The following FLT1 variants were observed in gnomAD, a reference collection of about 807,000 sequenced individuals.
FLT1 encodes vascular endothelial growth factor receptor 1.
Under a neutral mutation model 156.3 loss-of-function variants are expected in FLT1, and 49 were observed. The observed-to-expected ratio is 0.31, with a 90% confidence interval of 0.25 to 0.40. The LOEUF (loss-of-function observed/expected upper bound fraction) is 0.40, where lower values mean the gene tolerates loss of function less well. FLT1 is among the 10% of genes least tolerant of loss of function. The pLI, the probability that FLT1 is intolerant of heterozygous loss-of-function variation, is 1.00. For synonymous variants in FLT1, 594 were observed against 583.8 expected, an observed-to-expected ratio of 1.02 and a Z score of -0.25; for missense variants, 1,322 against 1,637.2, an observed-to-expected ratio of 0.81 and a Z score of 3.32.
intron 10 of FLT1, 25 bp from the exon 11 acceptor site, chr13:28,405,919 A>G (rs1263729859): frequency 6.3e-6 from 8 of 1,263,038 alleles, no homozygotes; most frequent in Non-Finnish European, 9.2e-6. Context: ...AGTTGTCACA[A>G]TGTGGCTTTA....
intron 10 of FLT1, among the ~76,000 whole-genome samples, chr13:28,410,240 TTCCTTTAG>T (rs1216478908): frequency 6.6e-6 from 1 of 152,208 alleles, no homozygotes; most frequent in Non-Finnish European, 1.5e-5. Flanking sequence ...GGTACTTTCT[TTCCTTTAG>T]AGGATAGATT....
intron 29 of FLT1, among the ~76,000 whole-genome samples, chr13:28,303,944 A>G (rs1312512639): frequency 6.6e-6 from 1 of 152,210 alleles, no homozygotes; most frequent in East Asian, 1.9e-4. Context: ...GCTTATCACC[A>G]GCAAGGCTCA....
At chr13:28,348,086 T>C (rs1042674591) in intron 15 of FLT1, among the ~76,000 whole-genome samples, 18 of 152,154 alleles carry the variant, frequency 1.2e-4, no homozygotes, top group Admixed American at 9.2e-4. Context: ...TTTCTCTCCA[T>C]CCAACCCATC....
intron 10 of FLT1, among the ~76,000 whole-genome samples, chr13:28,415,305 C>T (rs916395223): frequency 2.6e-5 from 4 of 152,052 alleles, no homozygotes; most frequent in African/African-American, 9.7e-5. Flanking sequence ...CATGGAGAAA[C>T]CCTGTCTCTA....
chr13:28,370,399 T>C (rs1873508222), intron 14 of FLT1, among the ~76,000 whole-genome samples: 1 of 152,110 alleles, frequency 6.6e-6, no homozygotes, highest in African/African-American at 2.4e-5. Flanking sequence ...CACACCAACA[T>C]GGCACATGTA....
intron 14 of FLT1, among the ~76,000 whole-genome samples, chr13:28,361,160 TC>T (rs994591839): frequency 3.9e-5 from 6 of 151,966 alleles, no homozygotes; most frequent in African/African-American, 1.5e-4. Flanking sequence ...ATGCCGGTAG[TC>T]CCAGCTACTC....
chr13:28,338,376 T>C (rs916784382), intron 17 of FLT1, among the ~76,000 whole-genome samples: 2 of 152,074 alleles, frequency 1.3e-5, no homozygotes, highest in Admixed American at 1.3e-4. Flanking sequence ...AGTGGAAAAC[T>C]TTCAGAAGCC....
intron 10 of FLT1, among the ~76,000 whole-genome samples, chr13:28,425,198 T>C (rs1469354046): frequency 1.3e-5 from 2 of 152,158 alleles, no homozygotes; most frequent in Admixed American, 1.3e-4. Context: ...GATGTGTACG[T>C]TTTTGGCAGA....
intron 11 of FLT1, among the ~76,000 whole-genome samples, chr13:28,401,582 T>C (rs942929122): frequency 6.6e-6 from 1 of 152,244 alleles, no homozygotes; most frequent in East Asian, 1.9e-4. Flanking sequence ...TATGGAACAC[T>C]GATTTTAATC....
Position 28,427,224 on chromosome 13 carries a change from A to G in FLT1, c.1371T>C (p.Tyr457=), listed in dbSNP as rs1293036649. ...ACTTGATTGTAGGTTGAGGGATACC[A>G]TATGCGGTACAAGTCAGGATTTGTC... The part of the protein sequence containing the change: ...GSRQILTCTA[Y]GIPQPTIKWF... Residue 457 remains tyrosine, a synonymous_variant, in exon 10 of 30, where the codon TAT becomes TAC. Coordinates refer to ENST00000282397, the MANE Select transcript of FLT1 (RefSeq NM_002019.4). 6.2e-6 allele frequency: 10 copies of G among 1,614,042 alleles called. No individual in the cohort carries two copies. Among genetic ancestry groups the G allele is most frequent in the Non-Finnish European group, 7.6e-6 (9 of 1,179,902 alleles).
intron 2 of FLT1, 60 bp from the exon 3 acceptor site, chr13:28,467,189 G>T: frequency 8.0e-7 from 1 of 1,242,524 alleles, no homozygotes; most frequent in Non-Finnish European, 1.2e-6. Flanking sequence ...CTCAGCACCA[G>T]TTCCTCAGCA....
At chr13:28,423,296 C>A (rs1877126913) in intron 10 of FLT1, among the ~76,000 whole-genome samples, 1 of 152,130 alleles carries the variant, frequency 6.6e-6, no homozygotes, top group Non-Finnish European at 1.5e-5. Context: ...CCTCATGACA[C>A]CCTTCCATTT....
intron 14 of FLT1, among the ~76,000 whole-genome samples, chr13:28,359,101 T>C (rs1284814370): frequency 6.6e-6 from 1 of 152,068 alleles, no homozygotes; most frequent in Non-Finnish European, 1.5e-5. Flanking sequence ...TATAGAAAAG[T>C]TGAGAAATAT....
intron 14 of FLT1, among the ~76,000 whole-genome samples, chr13:28,384,456 AAAAAAAAAAAAAG>A: frequency 6.6e-6 from 1 of 151,622 alleles, no homozygotes; most frequent in Admixed American, 6.6e-5. Flanking sequence ...CTCAAAAAAA[AAAAAAAAAAAAAG>A]AAAGAAAGAA....
chr13:28,388,524 G>T, intron 13 of FLT1: 1 of 1,038,714 alleles, frequency 9.6e-7, no homozygotes, highest in Non-Finnish European at 1.2e-6. Context: ...ACAGAACAAT[G>T]CATATTAAAT....
intron 3 of FLT1, among the ~76,000 whole-genome samples, chr13:28,462,774 C>A (rs993539541): frequency 6.6e-6 from 1 of 152,164 alleles, no homozygotes; most frequent in Non-Finnish European, 1.5e-5. Flanking sequence ...CCAAGGCCAA[C>A]GAATCCCCCA....
intron 11 of FLT1, chr13:28,398,968 A>T (rs1875248828): frequency 1.0e-6 from 1 of 965,006 alleles, no homozygotes; most frequent in Non-Finnish European, 1.6e-6. Flanking sequence ...TTTGATGATG[A>T]ATCTTTTTAA....
At chr13:28,396,709 C>T in intron 12 of FLT1, 1 of 601,526 alleles carries the variant, frequency 1.7e-6, no homozygotes, top group South Asian at 1.7e-5. Flanking sequence ...TACAAGATTC[C>T]CAATTCATAA....
At position 28,302,979 on chromosome 13, in the gene FLT1, T is replaced by G. The variant is rs1401125775; in HGVS notation, c.*188A>C. The stretch of plus-strand genomic sequence containing the variant: ...AGTAGTGTTCTTCACTTGTCACTAT[T>G]TCTCTATCTGGAGTTACATTCTTGT... On this transcript the variant is annotated 3_prime_UTR_variant, in exon 30 of 30. Coordinates refer to ENST00000282397, the MANE Select transcript of FLT1 (RefSeq NM_002019.4). 1 of 601,080 alleles carries G rather than the reference T, an allele frequency of 1.7e-6. No individual in the cohort carries two copies. The highest frequency in any genetic ancestry group is 2.9e-6 in the Non-Finnish European group (1 of 340,244). The allele number at this position is 601,080 out of a possible 1,614,324, so 37.2% of individuals were successfully genotyped here.
Sources: allele counts gnomAD v4.1 joint callset (sites outside exome capture counted in the v4.1 genomes callset), GRCh38; gene constraint gnomAD v4.1.1; transcripts MANE v1.5; gene names NCBI Gene and HGNC (gene_info 2026-07-23, HGNC 2026-07-21).